Variants in ZNF704 observed in about 807,000 individuals in gnomAD.
The protein encoded by ZNF704 is glucocorticoid induced gene 1.
A neutral mutation model predicts 44.7 loss-of-function variants in ZNF704; 10 were observed. The observed-to-expected ratio is 0.22, with a 90% CI of 0.14 to 0.38. The LOEUF (loss-of-function observed/expected upper bound fraction) is 0.38, where lower values mean the gene tolerates loss of function less well. Ranked by LOEUF, ZNF704 falls within the 10% of genes least tolerant of loss-of-function variation. The pLI is 1.00. For synonymous variants in ZNF704, 211 were observed against 207.6 expected (o/e 1.02, Z -0.14); for missense variants, 390 against 545.5 (o/e 0.71, Z 2.84).
chr8:80,774,052 T>TC (rs1259694931), intron 2 of ZNF704, among the ~76,000 whole-genome samples: 1 of 90,836 alleles, frequency 1.1e-5, no homozygotes, highest in Non-Finnish European at 2.1e-5. Context: ...TAAATCTTCT[T>TC]TTTTTTTTTT....
At chr8:80,740,808 C>T (rs538535356) in intron 2 of ZNF704, among the ~76,000 whole-genome samples, 58 of 152,324 alleles carry the variant, frequency 3.8e-4, no homozygotes, top group African/African-American at 1.3e-3. Flanking sequence ...GGGATAGCCC[C>T]CATCTATTTG....
chr8:80,861,062 G>A (rs183629751), intron 1 of ZNF704, among the ~76,000 whole-genome samples: 2 of 152,182 alleles, frequency 1.3e-5, no homozygotes, highest in African/African-American at 4.8e-5. Flanking sequence ...TGATGCAAAA[G>A]ACCAATGTCA....
chr8:80,693,579 T>C (rs1206776693), intron 2 of ZNF704, among the ~76,000 whole-genome samples: 1 of 152,158 alleles, frequency 6.6e-6, no homozygotes, highest in Non-Finnish European at 1.5e-5. Flanking sequence ...TCTAAGGTGA[T>C]CAGATGTTTC....
rs185029098 is a variant in ZNF704 at position 80,812,152 on chromosome 8, T to A, written c.221+9222A>T. ...TTATCCATCATAATTGTCTTCTTCA[T>A]CTTCCTCCTCCTCCTCTTTATCTTC... On this transcript the variant is annotated intron_variant, in intron 2 of 8. Transcript: ENST00000327835. 37 of 152,930 alleles carry A rather than the reference T, an allele frequency of 2.4e-4. 2 individuals are homozygous for A. The East Asian group carries it at 6.7e-3, about 28-fold the overall frequency. 9.5% of individuals were successfully genotyped at this position (152,930 alleles called of 1,614,324 possible). A position where few individuals can be genotyped will look rare whatever the true frequency, so the allele number is the denominator to read the frequency against.
chr8:80,664,470 C>T (rs1043061538), intron 6 of ZNF704, among the ~76,000 whole-genome samples: 17 of 151,772 alleles, frequency 1.1e-4, no homozygotes, highest in African/African-American at 4.1e-4. Context: ...GGGGTTTCAC[C>T]ATGTTGGTCA....
Position 80,798,748 on chromosome 8 carries a change from T to C in ZNF704, c.221+22626A>G, listed in dbSNP as rs370378158. ...AAGCTGCTTCCATATTTTCAGGAATTTGATATCAGCAACACCCCTCTCTCA... is the reference window on the plus strand; with the variant it reads ...AAGCTGCTTCCATATTTTCAGGAATCTGATATCAGCAACACCCCTCTCTCA... On this transcript the variant is annotated intron_variant, in intron 2 of 8. Transcript: ENST00000327835. Among the ~76,000 whole-genome samples the C allele has an allele frequency of 9.2e-5, 14 of 152,344 alleles. 1 individual carries two copies. The highest frequency in any genetic ancestry group is 3.4e-4 in the African/African-American group (14 of 41,586).
chr8:80,798,535 G>A (rs944205277), intron 2 of ZNF704, among the ~76,000 whole-genome samples: 13 of 152,164 alleles, frequency 8.5e-5, no homozygotes, highest in African/African-American at 2.9e-4. Context: ...GATTATAGGC[G>A]TGAGCCACGA....
At chr8:80,720,974 G>A (rs956014872) in intron 2 of ZNF704, among the ~76,000 whole-genome samples, 2 of 152,314 alleles carry the variant, frequency 1.3e-5, no homozygotes, top group African/African-American at 2.4e-5. Context: ...AATGGGGCCC[G>A]CAGAGTAGCA....
At position 80,687,297 on chromosome 8, in the gene ZNF704, G is replaced by T. The variant is rs1425184409; in HGVS notation, c.487C>A (p.Pro163Thr). ...TCCGCCTCGTCGATGCCGTCGTCTG[G>T]CTGCGCGGGGCTGCGGAAGGGCTTG... ...SFKPFRSPAQ[P>T]DDGIDEAEAS... The change falls in exon 4 of 9, where the codon CCA becomes ACA. Residue 163 changes from proline to threonine, a missense_variant. Coordinates refer to ENST00000327835, the MANE Select transcript of ZNF704 (RefSeq NM_001033723.3). 4 of 1,612,850 alleles carry T rather than the reference G, an allele frequency of 2.5e-6. No individual in the cohort carries two copies. In the African/African-American group the frequency reaches 5.3e-5, roughly 22 times the overall value.
At chr8:80,858,883 G>C (rs529747216) in intron 1 of ZNF704, among the ~76,000 whole-genome samples, 1 of 152,068 alleles carries the variant, frequency 6.6e-6, no homozygotes, top group Non-Finnish European at 1.5e-5. Context: ...CCAGTATATA[G>C]TGTACATTCA....
chr8:80,749,048 G>T (rs1806896976), intron 2 of ZNF704, among the ~76,000 whole-genome samples: 1 of 152,168 alleles, frequency 6.6e-6, no homozygotes, highest in African/African-American at 2.4e-5. Flanking sequence ...AATGAGTGAG[G>T]TGTGATGTGA....
the ZNF704 span, among the ~76,000 whole-genome samples, chr8:80,880,001 T>C: frequency 1.3e-5 from 2 of 152,176 alleles, no homozygotes; most frequent in Admixed American, 1.3e-4. Flanking sequence ...GAAAATTAGA[T>C]GTGGGGCTTT....
At chr8:80,754,772 A>G (rs1168952467) in intron 2 of ZNF704, among the ~76,000 whole-genome samples, 1 of 152,174 alleles carries the variant, frequency 6.6e-6, no homozygotes, top group East Asian at 1.9e-4. Context: ...CAGAAGTGAC[A>G]TGTGTTGCTT....
intron 2 of ZNF704, among the ~76,000 whole-genome samples, chr8:80,739,177 C>T (rs1806714151): frequency 6.6e-6 from 1 of 152,190 alleles, no homozygotes; most frequent in Non-Finnish European, 1.5e-5. Flanking sequence ...CTGGGTCATA[C>T]ATAATAAGTC....
At chr8:80,814,543 C>A (rs1808143778) in intron 2 of ZNF704, among the ~76,000 whole-genome samples, 1 of 152,166 alleles carries the variant, frequency 6.6e-6, no homozygotes, top group South Asian at 2.1e-4. Flanking sequence ...ATAAAAGTTT[C>A]TTGGAAAAGA....
intron 4 of ZNF704, among the ~76,000 whole-genome samples, chr8:80,685,646 A>C (rs1818522549): frequency 6.6e-6 from 1 of 152,216 alleles, no homozygotes; most frequent in African/African-American, 2.4e-5. Flanking sequence ...TGCATGACAG[A>C]CTGGTGTGAA....
At chr8:80,665,688 A>T (rs1260195866) in intron 5 of ZNF704, among the ~76,000 whole-genome samples, 1 of 152,194 alleles carries the variant, frequency 6.6e-6, no homozygotes, top group Non-Finnish European at 1.5e-5. Flanking sequence ...GAAAACAGAG[A>T]TTTAAAAAAT....
chr8:80,639,803 T>C lies in ZNF704; in HGVS notation c.*1563A>G, dbSNP rs903448718. 1 of 152,656 alleles carries C rather than the reference T, an allele frequency of 6.6e-6. No individual in the cohort carries two copies. The highest frequency in any genetic ancestry group is 1.5e-5 in the Non-Finnish European group (1 of 68,048). 9.5% of individuals were successfully genotyped at this position (152,656 alleles called of 1,614,324 possible). Reference sequence around the variant, plus strand: ...TAATCTCTAGACATATATTAAACTTTCCTCTGTGCAATTTCATTTAACATT... The same window carrying C: ...TAATCTCTAGACATATATTAAACTTCCCTCTGTGCAATTTCATTTAACATT... On this transcript the variant is annotated 3_prime_UTR_variant, in exon 9 of 9. Transcript: ENST00000327835.
chr8:80,862,376 T>C (rs746953836), intron 1 of ZNF704, among the ~76,000 whole-genome samples: 1 of 151,872 alleles, frequency 6.6e-6, no homozygotes, highest in Non-Finnish European at 1.5e-5. Context: ...AAAATTCAAG[T>C]GACAAAAATC....
Sources: gnomAD v4.1 joint callset for allele counts (sites outside exome capture counted in the v4.1 genomes callset) on GRCh38, gnomAD v4.1.1 for gene constraint, MANE v1.5 for transcripts, NCBI Gene and HGNC (gene_info 2026-07-23, HGNC 2026-07-21) for gene names.